ATG7: variants seen among roughly 807,000 people sequenced by gnomAD.
ATG7 encodes ubiquitin-like modifier-activating enzyme ATG7.
ATG7 carries 70 observed loss-of-function variants against 82.4 expected under a neutral mutation model. The ratio of observed to expected loss-of-function variants is 0.85; its 90% CI spans 0.70 to 1.04. ATG7 has a LOEUF of 1.04. ATG7 is among the 50% of genes least tolerant of loss of function. The pLI, the probability that ATG7 is intolerant of heterozygous loss-of-function variation, is 0.00. For synonymous variants in ATG7, 287 were observed against 313.0 expected (o/e 0.92, Z 0.88); for missense variants, 792 against 864.3 (o/e 0.92, Z 1.05).
At chr3:11,509,670 A>C (rs958917107) in intron 20 of ATG7, among the ~76,000 whole-genome samples, 1 of 151,958 alleles carries the variant, frequency 6.6e-6, no homozygotes, top group Non-Finnish European at 1.5e-5. Flanking sequence ...ATCTATCTCT[A>C]ATTTTAAGAT....
intron 19 of ATG7, among the ~76,000 whole-genome samples, chr3:11,409,395 C>T (rs944564890): frequency 3.3e-5 from 5 of 152,244 alleles, no homozygotes; most frequent in Non-Finnish European, 5.9e-5. Flanking sequence ...TTGACTAGTA[C>T]TCTATGTTGC....
chr3:11,554,942 C>A lies in ATG7; in HGVS notation c.*99C>A. 6.9e-7 allele frequency: 1 copy of A among 1,450,918 alleles called. No homozygotes were observed. Among genetic ancestry groups the A allele is most frequent in the Admixed American group, 2.1e-5 (1 of 48,758 alleles). The allele number at this position is 1,450,918 out of a possible 1,614,324, so 89.9% of individuals were successfully genotyped here. ...TGACCCCAGGCCTGGTGATTCTGGGCCCCTCCTCCATACCCCGAGGTCTGG... is the reference window on the plus strand; with the variant it reads ...TGACCCCAGGCCTGGTGATTCTGGGACCCTCCTCCATACCCCGAGGTCTGG... On this transcript the variant is annotated 3_prime_UTR_variant, in exon 21 of 21. Coordinates refer to ENST00000693202, the MANE Select transcript of ATG7 (RefSeq NM_001349232.2).
chr3:11,570,600 A>G, the ATG7 span, among the ~76,000 whole-genome samples: 3 of 152,266 alleles, frequency 2.0e-5, no homozygotes, highest in East Asian at 5.8e-4. Context: ...TACACATAGT[A>G]TGTGTGAGTC....
intron 20 of ATG7, among the ~76,000 whole-genome samples, chr3:11,510,591 G>C (rs181214756): frequency 1.1e-3 from 168 of 152,222 alleles, no homozygotes; most frequent in African/African-American, 3.5e-3. Context: ...ATCCAGCACA[G>C]TAAAAGCAGG....
rs1259096443 is a variant in ATG7 at position 11,325,022 on chromosome 3, A to G, written c.679-6318A>G. Among the ~76,000 whole-genome samples, 11 of 152,204 alleles carry G rather than the reference A, an allele frequency of 7.2e-5. No homozygotes were observed. The East Asian group carries it at 1.9e-3, about 27-fold the overall frequency. On this transcript the variant is annotated intron_variant, in intron 9 of 20. Coordinates refer to ENST00000693202, the MANE Select transcript of ATG7 (RefSeq NM_001349232.2). Reference sequence around the variant, plus strand: ...CTTCTATGTGTTTAGATTTGTTCAGATACACAAATACCATTGTGTTACAGT... The same window carrying G: ...CTTCTATGTGTTTAGATTTGTTCAGGTACACAAATACCATTGTGTTACAGT...
rs370374329 is a variant in ATG7 at position 11,362,970 on chromosome 3, T to C, written c.1799+42T>C. The C allele has an allele frequency of 1.8e-5, 28 of 1,543,050 alleles. No homozygotes were observed. The African/African-American group carries it at 3.8e-4, about 21-fold the overall frequency. On this transcript the variant is annotated intron_variant, in intron 17 of 20. Coordinates refer to ENST00000693202, the MANE Select transcript of ATG7 (RefSeq NM_001349232.2). ...GAGATGAGTATTTAAACAAAGCTTT[T>C]GTAGGCAGTTGTTCATCAGTGTCTC...
chr3:11,559,192 T>C (rs1575341408), downstream of ATG7: 1 of 1,379,160 alleles, frequency 7.3e-7, no homozygotes. Context: ...AGGCGCACAC[T>C]GGACGTGCTC....
intron 14 of ATG7, among the ~76,000 whole-genome samples, chr3:11,354,347 C>G (rs2594973): frequency 0.53 from 80,115 of 151,850 alleles, 21,966 homozygotes; most frequent in Non-Finnish European, 0.62. Flanking sequence ...CTATTTGAGG[C>G]AATAAGATGT....
chr3:11,461,417 G>A (rs182813937), intron 20 of ATG7, among the ~76,000 whole-genome samples: 16 of 152,190 alleles, frequency 1.1e-4, no homozygotes, highest in East Asian at 7.7e-4. Context: ...GAATTTCCAC[G>A]GCGTCTTTTC....
At chr3:11,477,611 G>C (rs1239285700) in intron 20 of ATG7, among the ~76,000 whole-genome samples, 1 of 152,202 alleles carries the variant, frequency 6.6e-6, no homozygotes, top group African/African-American at 2.4e-5. Context: ...CCAAAGTTAA[G>C]ATGGCCCTCC....
chr3:11,314,242 T>G lies in ATG7; in HGVS notation c.528+822T>G, dbSNP rs545756352. Among the ~76,000 whole-genome samples, 19 of 152,304 alleles carry G rather than the reference T, an allele frequency of 1.2e-4. No homozygotes were observed. In the South Asian group the frequency reaches 3.5e-3, roughly 28 times the overall value. On this transcript the variant is annotated intron_variant, in intron 8 of 20. Transcript: ENST00000693202. Reference sequence around the variant, plus strand: ...AGCAGTTAAAATAATCAGGCTGGTATAACAGAGACCCTAAACTAGAGAATT... The same window carrying G: ...AGCAGTTAAAATAATCAGGCTGGTAGAACAGAGACCCTAAACTAGAGAATT...
chr3:11,300,071 C>T (rs1420732245), intron 5 of ATG7, among the ~76,000 whole-genome samples: 3 of 152,090 alleles, frequency 2.0e-5, no homozygotes, highest in African/African-American at 7.2e-5. Context: ...ACTACAAGCT[C>T]ACGCCATCAT....
At chr3:11,439,178 C>T (rs535212796) in intron 20 of ATG7, among the ~76,000 whole-genome samples, 3 of 149,146 alleles carry the variant, frequency 2.0e-5, no homozygotes, top group African/African-American at 7.4e-5. Flanking sequence ...AAGCGATTCT[C>T]CTGCCTCAGC....
chr3:11,346,483 C>G (rs1002224574), intron 13 of ATG7: 3 of 152,198 alleles, frequency 2.0e-5, no homozygotes, highest in African/African-American at 7.2e-5. Flanking sequence ...CCTACCACAT[C>G]CTCACCAGCA....
At chr3:11,550,146 C>T (rs1004860501) in intron 20 of ATG7, among the ~76,000 whole-genome samples, 1 of 152,040 alleles carries the variant, frequency 6.6e-6, no homozygotes, top group African/African-American at 2.4e-5. Context: ...TTCTCCTAGT[C>T]TGCAACTTGC....
At chr3:11,548,340 A>G (rs922132399) in intron 20 of ATG7, among the ~76,000 whole-genome samples, 1 of 152,160 alleles carries the variant, frequency 6.6e-6, no homozygotes, top group Non-Finnish European at 1.5e-5. Flanking sequence ...TTCTGTGGCT[A>G]TCTTTTCTCT....
intron 20 of ATG7, among the ~76,000 whole-genome samples, chr3:11,450,236 G>A (rs547796311): frequency 1.3e-5 from 2 of 152,306 alleles, no homozygotes; most frequent in Admixed American, 1.3e-4. Flanking sequence ...TTAGAGCCAA[G>A]TCGTTTGGCT....
chr3:11,415,178 A>G lies in ATG7; in HGVS notation c.1957-11626A>G, dbSNP rs1321087874. ...TACTTGTGTATCTCAATGTATCTCAATATAGAAAAAGTACAGTAAAAGTAT... is the reference window on the plus strand; with the variant it reads ...TACTTGTGTATCTCAATGTATCTCAGTATAGAAAAAGTACAGTAAAAGTAT... On this transcript the variant is annotated intron_variant, in intron 19 of 20. Coordinates refer to ENST00000693202, the MANE Select transcript of ATG7 (RefSeq NM_001349232.2). Among the ~76,000 whole-genome samples the G allele has an allele frequency of 2.0e-5, 3 of 152,238 alleles. No homozygotes were observed. In the East Asian group the frequency reaches 5.8e-4, roughly 29 times the overall value.
intron 19 of ATG7, among the ~76,000 whole-genome samples, chr3:11,395,968 T>G (rs199612628): frequency 0.7 from 53,037 of 76,264 alleles, 19,035 homozygotes; most frequent in East Asian, 0.83. Flanking sequence ...AAAAAAAAGG[T>G]AGGGGGGGAA....
Sources: gnomAD v4.1 joint callset for allele counts (sites outside exome capture counted in the v4.1 genomes callset) on GRCh38, gnomAD v4.1.1 for gene constraint, MANE v1.5 for transcripts, NCBI Gene and HGNC (gene_info 2026-07-23, HGNC 2026-07-21) for gene names.